CYP7B1: variants seen among roughly 807,000 people sequenced by gnomAD.
CYP7B1 encodes the protein cytochrome P450 7B1.
CYP7B1 carries 29 observed loss-of-function variants against 42.7 expected under a neutral mutation model. The observed-to-expected ratio is 0.68, with a 90% CI of 0.51 to 0.93. The LOEUF (loss-of-function observed/expected upper bound fraction) is 0.93, where lower values mean the gene tolerates loss of function less well. Among genes scored for constraint, CYP7B1 ranks in the 40% least tolerant of loss-of-function variants. The pLI, the probability that CYP7B1 is intolerant of heterozygous loss-of-function variation, is 0.00. For synonymous variants in CYP7B1, 235 were observed against 218.2 expected (o/e 1.08, Z -0.68); for missense variants, 655 against 600.5 (o/e 1.09, Z -0.95).
chr8:64,661,487 C>T (rs777925979), intron 1 of CYP7B1, among the ~76,000 whole-genome samples: 86 of 152,298 alleles, frequency 5.6e-4, no homozygotes, highest in Non-Finnish European at 1.1e-3. Flanking sequence ...ATGATTTGAA[C>T]TGTTTTTCTA....
At chr8:64,766,025 GAGTTTGGCGATTTCTGGTATCT>G (rs1221013737) in intron 1 of CYP7B1, among the ~76,000 whole-genome samples, 1 of 152,154 alleles carries the variant, frequency 6.6e-6, no homozygotes, top group Non-Finnish European at 1.5e-5. Flanking sequence ...TGCAGCCTGA[GAGTTTGGCGATTTCTGGTATCT>G]CAGTCAGGTC....
At chr8:64,771,045 A>ATTTT (rs1308107007) in intron 1 of CYP7B1, among the ~76,000 whole-genome samples, 16 of 40,450 alleles carry the variant, frequency 4.0e-4, no homozygotes, top group Admixed American at 8.3e-4. Context: ...GGATATCAGC[A>ATTTT]TCTTTTTTTT....
Position 64,615,853 on chromosome 8 carries a change from T to C in CYP7B1, c.688A>G (p.Ile230Val). The change falls in exon 3 of 6, where the codon ATA becomes GTA. Residue 230 changes from isoleucine (I) to valine (V), a missense_variant. Coordinates refer to ENST00000310193, the MANE Select transcript of CYP7B1 (RefSeq NM_004820.5). ...ACATTTCCTAGAAGCTCAATGGGTA[T>C]GTTGGATACTAAATATGCAAACTTG... is the stretch of plus-strand genomic sequence containing the variant. Reference protein sequence around the residue: ...DDKFAYLVSNIPIELLGNVKS... With the variant: ...DDKFAYLVSNVPIELLGNVKS... 1 of 1,613,786 alleles carries C rather than the reference T, an allele frequency of 6.2e-7. No homozygotes were observed. Among genetic ancestry groups the C allele is most frequent in the Non-Finnish European group, 8.5e-7 (1 of 1,179,770 alleles).
chr8:64,754,802 A>T (rs1306028305), intron 1 of CYP7B1, among the ~76,000 whole-genome samples: 1 of 152,196 alleles, frequency 6.6e-6, no homozygotes, highest in Non-Finnish European at 1.5e-5. Context: ...AGGAGGAGTA[A>T]TATCTTTGAG....
chr8:64,651,068 C>T (rs1806031449), intron 1 of CYP7B1, among the ~76,000 whole-genome samples: 1 of 152,218 alleles, frequency 6.6e-6, no homozygotes, highest in African/African-American at 2.4e-5. Context: ...AAGGCTGAGA[C>T]ATCCACAGTG....
At chr8:64,622,578 T>C (rs905746848) in intron 2 of CYP7B1, among the ~76,000 whole-genome samples, 3 of 151,984 alleles carry the variant, frequency 2.0e-5, no homozygotes, top group African/African-American at 7.3e-5. Flanking sequence ...CAACTAGAGA[T>C]AGCAAATATA....
At chr8:64,710,069 A>G (rs754135907) in intron 1 of CYP7B1, among the ~76,000 whole-genome samples, 3 of 152,150 alleles carry the variant, frequency 2.0e-5, no homozygotes, top group Non-Finnish European at 4.4e-5. Context: ...TTCAAGCAGT[A>G]GAGAGTCACA....
At chr8:64,712,677 T>C (rs1807098846) in intron 1 of CYP7B1, among the ~76,000 whole-genome samples, 1 of 151,456 alleles carries the variant, frequency 6.6e-6, no homozygotes, top group East Asian at 1.9e-4. Flanking sequence ...CATACTTATA[T>C]ATTTTCTCCT....
intron 1 of CYP7B1, among the ~76,000 whole-genome samples, chr8:64,644,310 A>C (rs1805914556): frequency 6.6e-6 from 1 of 152,060 alleles, no homozygotes; most frequent in Non-Finnish European, 1.5e-5. Flanking sequence ...ACTTTTTCAA[A>C]ACTCCTGTTA....
At chr8:64,614,148 G>A (rs1805400049) in intron 4 of CYP7B1, among the ~76,000 whole-genome samples, 1 of 152,084 alleles carries the variant, frequency 6.6e-6, no homozygotes, top group South Asian at 2.1e-4. Flanking sequence ...TTTAACTTTG[G>A]CAGTAGAAGT....
At chr8:64,597,622 A>G (rs546228421) in intron 5 of CYP7B1, among the ~76,000 whole-genome samples, 1 of 152,278 alleles carries the variant, frequency 6.6e-6, no homozygotes, top group African/African-American at 2.4e-5. Context: ...TGTTTTCATA[A>G]ATGAGTTATA....
chr8:64,670,246 G>C (rs1034959984), intron 1 of CYP7B1, among the ~76,000 whole-genome samples: 3 of 152,116 alleles, frequency 2.0e-5, no homozygotes, highest in African/African-American at 7.2e-5. Flanking sequence ...CCAAAGCAAG[G>C]AGAACACCTC....
chr8:64,604,657 A>T (rs1158055835), intron 5 of CYP7B1, 25 bp downstream of exon 5: 3 of 1,613,534 alleles, frequency 1.9e-6, no homozygotes, highest in East Asian at 4.5e-5. Flanking sequence ...AAGAAGTAGC[A>T]ATCATAGGCT....
intron 1 of CYP7B1, among the ~76,000 whole-genome samples, chr8:64,658,267 G>GT (rs1467304995): frequency 1.3e-5 from 2 of 151,988 alleles, no homozygotes; most frequent in Non-Finnish European, 2.9e-5. Flanking sequence ...ACCTCTAAAA[G>GT]TTTTTTTCAA....
In CYP7B1 at chr8:64,758,293, GAC is replaced by G. The variant is rs368246438; in HGVS notation, c.122+40171_122+40172del. ...GAGATGTTCTTTCCCAGAAAGCCCA[GAC>G]ACAGCCTCAGAACCCTTCTCTCCAC... On this transcript the variant is annotated intron_variant, in intron 1 of 5. Transcript: ENST00000310193. Among the ~76,000 whole-genome samples, 651 of 152,232 alleles carry G rather than the reference GAC, an allele frequency of 4.3e-3. 4 individuals are homozygous for G. The highest frequency in any genetic ancestry group is 5.1e-3 in the Non-Finnish European group (349 of 68,006).
intron 1 of CYP7B1, among the ~76,000 whole-genome samples, chr8:64,749,616 A>G (rs1807698733): frequency 6.6e-6 from 1 of 152,180 alleles, no homozygotes; most frequent in African/African-American, 2.4e-5. Context: ...GATAGGACAC[A>G]TGGGGTCAGT....
At chr8:64,754,826 A>G (rs1419779688) in intron 1 of CYP7B1, among the ~76,000 whole-genome samples, 2 of 152,190 alleles carry the variant, frequency 1.3e-5, no homozygotes, top group African/African-American at 4.8e-5. Flanking sequence ...AAGTGTGAAG[A>G]AAGGAAAGCA....
intron 1 of CYP7B1, among the ~76,000 whole-genome samples, chr8:64,658,435 T>G (rs1395226226): frequency 1.3e-5 from 2 of 152,170 alleles, no homozygotes; most frequent in African/African-American, 4.8e-5. Flanking sequence ...CTTTGAACAG[T>G]GCTTGCCTCT....
chr8:64,607,345 C>T (rs1805297352), intron 4 of CYP7B1, among the ~76,000 whole-genome samples: 2 of 149,868 alleles, frequency 1.3e-5, no homozygotes, highest in Non-Finnish European at 3.0e-5. Context: ...CCCCTTCTAT[C>T]TTAATTTCTT....
Sources: allele counts gnomAD v4.1 joint callset (sites outside exome capture counted in the v4.1 genomes callset), GRCh38; gene constraint gnomAD v4.1.1; transcripts MANE v1.5; gene names NCBI Gene and HGNC (gene_info 2026-07-23, HGNC 2026-07-21).